Variants in SLC35F3 observed in about 807,000 individuals in gnomAD.
The protein encoded by SLC35F3 is solute carrier family 35 member F3.
Under a neutral mutation model 49.9 loss-of-function variants are expected in SLC35F3, and 25 were observed. The ratio of observed to expected loss-of-function variants is 0.50; its 90% CI spans 0.37 to 0.70. The LOEUF (loss-of-function observed/expected upper bound fraction) is 0.70. Ranked by LOEUF, SLC35F3 falls within the 30% of genes least tolerant of loss-of-function variation. The pLI, the probability that SLC35F3 is intolerant of heterozygous loss-of-function variation, is 0.00. For missense variants in SLC35F3, 525 were observed against 639.8 expected, an observed-to-expected ratio of 0.82 and a Z score of 1.94; for synonymous variants, 275 against 265.4, an observed-to-expected ratio of 1.04 and a Z score of -0.35.
intron 3 of SLC35F3, among the ~76,000 whole-genome samples, chr1:234,284,565 A>G (rs970899002): frequency 6.6e-6 from 1 of 152,220 alleles, no homozygotes; most frequent in African/African-American, 2.4e-5. Flanking sequence ...TGGCCTGGAC[A>G]ATGTTGGAAG....
intron 2 of SLC35F3, among the ~76,000 whole-genome samples, chr1:233,973,514 C>T (rs1240117606): frequency 1.3e-5 from 2 of 152,222 alleles, no homozygotes; most frequent in Non-Finnish European, 2.9e-5. Context: ...GCTTCAGCTA[C>T]TTCCCAGGTT....
intron 2 of SLC35F3, among the ~76,000 whole-genome samples, chr1:234,137,028 A>G (rs1040857974): frequency 8.5e-5 from 13 of 152,214 alleles, no homozygotes; most frequent in African/African-American, 2.7e-4. Context: ...TTTGGAGTTG[A>G]TGAAATGAAT....
chr1:234,257,840 AG>A (rs1667845957), intron 3 of SLC35F3, among the ~76,000 whole-genome samples: 1 of 152,216 alleles, frequency 6.6e-6, no homozygotes, highest in African/African-American at 2.4e-5. Context: ...TAAGCCAGGA[AG>A]GGGAGATTTA....
intron 2 of SLC35F3, among the ~76,000 whole-genome samples, chr1:234,057,736 C>T (rs1158642626): frequency 1.3e-5 from 2 of 152,148 alleles, no homozygotes; most frequent in Non-Finnish European, 2.9e-5. Flanking sequence ...GACAGAGTCT[C>T]ACTCTGTTGC....
intron 2 of SLC35F3, among the ~76,000 whole-genome samples, chr1:234,181,682 T>C (rs1666559526): frequency 6.6e-6 from 1 of 152,228 alleles, no homozygotes; most frequent in African/African-American, 2.4e-5. Context: ...TGTGGTGTCA[T>C]TTACCATGTT....
chr1:234,072,558 G>A (rs1292977904), intron 2 of SLC35F3, among the ~76,000 whole-genome samples: 2 of 152,186 alleles, frequency 1.3e-5, no homozygotes, highest in African/African-American at 4.8e-5. Flanking sequence ...GGACAGACAG[G>A]AGAACTTGCC....
chr1:234,011,794 C>A (rs1006673795), intron 2 of SLC35F3, among the ~76,000 whole-genome samples: 10 of 152,094 alleles, frequency 6.6e-5, no homozygotes, highest in African/African-American at 9.7e-5. Flanking sequence ...CTGCTGTACA[C>A]CCAACATTGG....
At chr1:233,984,848 C>A (rs1342537197) in intron 2 of SLC35F3, among the ~76,000 whole-genome samples, 1 of 152,114 alleles carries the variant, frequency 6.6e-6, no homozygotes, top group Non-Finnish European at 1.5e-5. Context: ...TCTTTAATTT[C>A]TATAAGAAAA....
At chr1:233,971,723 A>AAG (rs1282507974) in intron 2 of SLC35F3, among the ~76,000 whole-genome samples, 4 of 151,452 alleles carry the variant, frequency 2.6e-5, no homozygotes, top group Non-Finnish European at 5.9e-5. Flanking sequence ...GACTCAAAAA[A>AAG]AAAAAAAAAA....
intron 3 of SLC35F3, chr1:234,261,785 G>A (rs1288879481): frequency 1.3e-5 from 2 of 152,188 alleles, no homozygotes; most frequent in Non-Finnish European, 2.9e-5. Flanking sequence ...GATTCCCATA[G>A]TGATCATGCT....
chr1:234,106,233 T>G (rs1201949417), intron 2 of SLC35F3, among the ~76,000 whole-genome samples: 2 of 152,234 alleles, frequency 1.3e-5, no homozygotes, highest in Non-Finnish European at 2.9e-5. Flanking sequence ...AGTGGTCATG[T>G]GGCCCAGTTC....
At chr1:234,204,204 T>C (rs1666939283) in intron 2 of SLC35F3, among the ~76,000 whole-genome samples, 2 of 152,166 alleles carry the variant, frequency 1.3e-5, no homozygotes, top group Non-Finnish European at 2.9e-5. Context: ...CATCAGTTTA[T>C]TTTTTAGAAA....
chr1:234,093,605 G>A (rs575884328), intron 2 of SLC35F3, among the ~76,000 whole-genome samples: 6 of 152,224 alleles, frequency 3.9e-5, no homozygotes, highest in Non-Finnish European at 8.8e-5. Flanking sequence ...CAGCTTATTT[G>A]TGGGACCACG....
At chr1:234,066,519 A>G (rs1456743494) in intron 2 of SLC35F3, among the ~76,000 whole-genome samples, 1 of 152,118 alleles carries the variant, frequency 6.6e-6, no homozygotes, top group Non-Finnish European at 1.5e-5. Context: ...GGAGGTAGGA[A>G]TGGGAGGACG....
intron 2 of SLC35F3, among the ~76,000 whole-genome samples, chr1:234,067,114 C>G (rs981391528): frequency 3.3e-5 from 5 of 152,100 alleles, no homozygotes; most frequent in African/African-American, 1.2e-4. Flanking sequence ...TTTGTTATAT[C>G]CCATTTTAAT....
rs577053875 is a variant in SLC35F3, at chr1:234,119,770, T to C, written c.284-111647T>C. ...ACAGGATAGTCAAAACAGCTAAAAGTAGCAGATGAGAAGCTGAAAATAGCA... is the reference window on the plus strand; with the variant it reads ...ACAGGATAGTCAAAACAGCTAAAAGCAGCAGATGAGAAGCTGAAAATAGCA... On this transcript the variant is annotated intron_variant, in intron 2 of 7. Coordinates refer to ENST00000366618, the MANE Select transcript of SLC35F3 (RefSeq NM_173508.4). 5.9e-5 allele frequency among the ~76,000 whole-genome samples: 9 copies of C among 152,348 alleles called. No individual in the cohort carries two copies. The East Asian group carries it at 1.7e-3, about 29-fold the overall frequency.
intron 3 of SLC35F3, among the ~76,000 whole-genome samples, chr1:234,298,854 T>G (rs1668647187): frequency 6.6e-6 from 1 of 152,210 alleles, no homozygotes; most frequent in Admixed American, 6.5e-5. Flanking sequence ...TTTTAAAAAT[T>G]GTTGTGGGAC....
chr1:234,005,409 C>G (rs1202178253), intron 2 of SLC35F3, among the ~76,000 whole-genome samples: 1 of 152,180 alleles, frequency 6.6e-6, no homozygotes, highest in African/African-American at 2.4e-5. Flanking sequence ...ATTTCCTGAT[C>G]ATCATATACT....
intron 2 of SLC35F3, among the ~76,000 whole-genome samples, chr1:233,963,846 TG>T (rs1662849546): frequency 6.6e-6 from 1 of 152,234 alleles, no homozygotes; most frequent in African/African-American, 2.4e-5. Context: ...GCCCCACATT[TG>T]CACTTATAGT....
Sources: gnomAD v4.1 joint callset for allele counts (sites outside exome capture counted in the v4.1 genomes callset) on GRCh38, gnomAD v4.1.1 for gene constraint, MANE v1.5 for transcripts, NCBI Gene and HGNC (gene_info 2026-07-23, HGNC 2026-07-21) for gene names.